NHSL1: variants seen among roughly 807,000 people sequenced by gnomAD.
The protein encoded by NHSL1 is NHS-like protein 1.
A neutral mutation model predicts 95.0 loss-of-function variants in NHSL1; 48 were observed. That is an observed-to-expected ratio of 0.51 (90% CI 0.40 to 0.64). The LOEUF (loss-of-function observed/expected upper bound fraction) is 0.64, where lower values mean the gene tolerates loss of function less well. Among genes scored for constraint, NHSL1 ranks in the 30% least tolerant of loss-of-function variants. NHSL1 has a pLI of 0.00. For synonymous variants in NHSL1, 783 were observed against 833.9 expected (o/e 0.94, Z 1.05); for missense variants, 1,971 against 2,077.7 (o/e 0.95, Z 1.00).
Position 138,473,380 on chromosome 6 carries a change from C to T in NHSL1, c.265G>A (p.Gly89Arg). The stretch of plus-strand genomic sequence containing the variant: ...CTGGCGTTGGCCGCAAAGGTGGGTC[C>T]CTGAGAGTAGTACTGAGAACTGCGG... The part of the protein sequence containing the change: ...GYRSSQYYSQ[G>R]PTFAANASPF... Residue 89 changes from glycine to arginine, a missense_variant, in exon 3 of 8, where the codon GGA (glycine) becomes AGA (arginine). Physicochemically the swap from Gly to Arg is moderately radical, Grantham distance 125 (BLOSUM62 -2). This residue lies in a region of NHSL1 where 1,602 missense variants were observed against 1,654.5 expected (regional missense o/e 0.97). Coordinates refer to ENST00000343505, the MANE Select transcript of NHSL1 (RefSeq NM_001144060.2). 6.5e-7 allele frequency: 1 copy of T among 1,548,326 alleles called. No individual in the cohort carries two copies. Among genetic ancestry groups the T allele is most frequent in the South Asian group, 1.2e-5 (1 of 83,554 alleles).
intron 1 of NHSL1, among the ~76,000 whole-genome samples, chr6:138,551,007 T>G (rs1157449730): frequency 2.6e-5 from 4 of 152,180 alleles, no homozygotes; most frequent in Admixed American, 6.5e-5. Context: ...TTACCCCTGG[T>G]CAACTGAGGT....
chr6:138,680,148 T>C (rs1006184296), intron 1 of NHSL1, among the ~76,000 whole-genome samples: 2 of 152,194 alleles, frequency 1.3e-5, no homozygotes, highest in African/African-American at 4.8e-5. Context: ...GGTTACGTAA[T>C]TCAATGATTA....
chr6:138,663,045 G>A (rs1377508336), intron 1 of NHSL1, among the ~76,000 whole-genome samples: 2 of 126,582 alleles, frequency 1.6e-5, no homozygotes, highest in Non-Finnish European at 3.1e-5. Context: ...GTGCAAATAT[G>A]TTCACCGAAC....
At chr6:138,499,619 A>G, upstream of NHSL1, 1 of 240,178 alleles carries the variant, frequency 4.2e-6, no homozygotes, top group Non-Finnish European at 8.2e-6. Flanking sequence ...TTTCTGCCTC[A>G]GTGCCCATTC....
chr6:138,579,504 G>A (rs1175722174), intron 1 of NHSL1, among the ~76,000 whole-genome samples: 1 of 152,084 alleles, frequency 6.6e-6, no homozygotes, highest in Non-Finnish European at 1.5e-5. Context: ...TTTCACTTTG[G>A]GAAGAAAGAA....
In NHSL1 at chr6:138,430,097, G is replaced by A. The variant is rs375684144; in HGVS notation, c.3953-254C>T. 6.6e-6 allele frequency among the ~76,000 whole-genome samples: 1 copy of A among 152,176 alleles called. No individual in the cohort carries two copies. The highest frequency in any genetic ancestry group is 1.5e-5 in the Non-Finnish European group (1 of 68,036). On this transcript the variant is annotated intron_variant, in intron 6 of 7. Coordinates refer to ENST00000343505, the MANE Select transcript of NHSL1 (RefSeq NM_001144060.2). The surrounding 1 kb of genome is among the most constrained non-coding windows in gnomAD (Gnocchi z 4.7). ...AAATTTTGTTGCAACGTTTCTTTGCGCGGCTCTTCGGAAGGGAGGTGTTAC... is the reference window on the plus strand; with the variant it reads ...AAATTTTGTTGCAACGTTTCTTTGCACGGCTCTTCGGAAGGGAGGTGTTAC...
In NHSL1 at chr6:138,424,920, A is replaced by C; in HGVS notation, c.4086-104T>G. On this transcript the variant is annotated intron_variant, in intron 7 of 7. Transcript: ENST00000343505. The surrounding 1 kb of genome is among the most constrained non-coding windows in gnomAD (Gnocchi z 5.9). ...CGCATCTTCAGGTCACCATCTACTT[A>C]AGATTCACTTTCAAAAAATTTATTT... The C allele has an allele frequency of 1.0e-6, 1 of 970,540 alleles. No individual in the cohort carries two copies. Among genetic ancestry groups the C allele is most frequent in the African/African-American group, 1.6e-5 (1 of 60,774 alleles). The allele number at this position is 970,540 out of a possible 1,614,324, so 60.1% of individuals were successfully genotyped here.
intron 1 of NHSL1, among the ~76,000 whole-genome samples, chr6:138,552,434 G>A (rs1783044042): frequency 6.6e-6 from 1 of 151,876 alleles, no homozygotes; most frequent in South Asian, 2.1e-4. Context: ...GAGATATATA[G>A]ATATCTATAT....
chr6:138,485,638 C>T (rs551241883), intron 2 of NHSL1, among the ~76,000 whole-genome samples: 28 of 152,152 alleles, frequency 1.8e-4, no homozygotes, highest in African/African-American at 6.0e-4. Context: ...TAGAAAATTC[C>T]GTGCCATCAA....
At chr6:138,500,823 C>T (rs548372722), upstream of NHSL1, among the ~76,000 whole-genome samples, 1 of 152,044 alleles carries the variant, frequency 6.6e-6, no homozygotes, top group Non-Finnish European at 1.5e-5. Flanking sequence ...AACAAAAGAA[C>T]ACATAGAAAC....
chr6:138,628,800 A>G (rs1467367906), intron 1 of NHSL1, among the ~76,000 whole-genome samples: 4 of 152,220 alleles, frequency 2.6e-5, no homozygotes, highest in Non-Finnish European at 5.9e-5. Context: ...ACCACTAACC[A>G]AGACTAAAAT....
At chr6:138,579,220 T>A (rs1336190570) in intron 1 of NHSL1, among the ~76,000 whole-genome samples, 1 of 152,234 alleles carries the variant, frequency 6.6e-6, no homozygotes, top group Non-Finnish European at 1.5e-5. Context: ...AGCCTGGGGT[T>A]TGGGGACCCC....
rs117197075 is a variant in NHSL1 at position 138,475,175 on chromosome 6, T to C, written c.212-1742A>G. Among the ~76,000 whole-genome samples the C allele has an allele frequency of 9.6e-3, 1,458 of 151,772 alleles. 8 individuals are homozygous for C. Among genetic ancestry groups the C allele is most frequent in the Middle Eastern group, 0.024 (7 of 292 alleles). On this transcript the variant is annotated intron_variant, in intron 2 of 7. Transcript: ENST00000343505. ...AAAAAAAAAAAAAAAAGAAGTTTTA[T>C]TCTCACTCTACAGAGATAATGTTAT...
chr6:138,483,848 C>T (rs1230939587), intron 2 of NHSL1, among the ~76,000 whole-genome samples: 1 of 152,144 alleles, frequency 6.6e-6, no homozygotes, highest in Non-Finnish European at 1.5e-5. Flanking sequence ...AATGAATGAT[C>T]TGTATTTGTT....
chr6:138,640,472 G>C (rs1784945345), intron 1 of NHSL1, among the ~76,000 whole-genome samples: 1 of 152,080 alleles, frequency 6.6e-6, no homozygotes, highest in Non-Finnish European at 1.5e-5. Context: ...ACCCAAGACA[G>C]CAAGACCAAT....
At chr6:138,477,683 C>T (rs1050488804) in intron 2 of NHSL1, among the ~76,000 whole-genome samples, 2 of 152,126 alleles carry the variant, frequency 1.3e-5, no homozygotes, top group Non-Finnish European at 2.9e-5. Flanking sequence ...TAACACTACT[C>T]AAACATTACT....
chr6:138,571,480 A>ATAACAGC (rs1783837230), intron 1 of NHSL1: 4 of 513,296 alleles, frequency 7.8e-6, no homozygotes, highest in Non-Finnish European at 1.4e-5. Context: ...CCGAGAACAA[A>ATAACAGC]TAACAGCTAC....
At chr6:138,682,968 G>T (rs574354247) in intron 1 of NHSL1, among the ~76,000 whole-genome samples, 1 of 152,324 alleles carries the variant, frequency 6.6e-6, no homozygotes, top group South Asian at 2.1e-4. Flanking sequence ...GTGACATTGG[G>T]GGCTTGGATA....
Position 138,499,415 on chromosome 6 carries a change from T to A in NHSL1, c.-125A>T. 1 of 1,467,188 alleles carries A rather than the reference T, an allele frequency of 6.8e-7. No individual in the cohort carries two copies. The highest frequency in any genetic ancestry group is 9.1e-7 in the Non-Finnish European group (1 of 1,103,390). The allele number at this position is 1,467,188 out of a possible 1,614,324, so 90.9% of individuals were successfully genotyped here. A position where few individuals can be genotyped will look rare whatever the true frequency, so the allele number is the denominator to read the frequency against. ...TTTTTCTTCCCCCGGTCTCATATCC[T>A]TAGACATCTGCCCAGGCTGATGTAA... is the stretch of plus-strand genomic sequence containing the variant. On this transcript the variant is annotated 5_prime_UTR_variant, in exon 1 of 8. The change creates a new upstream start codon in the 5' untranslated region. Coordinates refer to ENST00000343505, the MANE Select transcript of NHSL1 (RefSeq NM_001144060.2).
Sources: gnomAD v4.1 joint callset for allele counts (sites outside exome capture counted in the v4.1 genomes callset) on GRCh38, gnomAD v4.1.1 for gene constraint, gnomAD v4.1.1 regional missense constraint, Gnocchi (gnomAD v3.1) non-coding constraint, MANE v1.5 for transcripts, NCBI Gene and HGNC (gene_info 2026-07-23, HGNC 2026-07-21) for gene names.